The following LRRTM4 variants were observed in gnomAD, a reference collection of about 807,000 sequenced individuals.
The protein encoded by LRRTM4 is leucine-rich repeat transmembrane neuronal protein 4.
A neutral mutation model predicts 47.6 loss-of-function variants in LRRTM4; 25 were observed. The observed-to-expected ratio is 0.53, with a 90% CI of 0.38 to 0.73. LRRTM4 has a LOEUF of 0.73. Among genes scored for constraint, LRRTM4 ranks in the 30% least tolerant of loss-of-function variants. The probability of loss-of-function intolerance (pLI) is 0.00; values close to 1 mark genes in which losing one functional copy is unlikely to be tolerated. For missense variants in LRRTM4, 638 were observed against 713.4 expected, an observed-to-expected ratio of 0.89 and a Z score of 1.20; for synonymous variants, 311 against 269.5, an observed-to-expected ratio of 1.15 and a Z score of -1.51.
chr2:76,773,724 A>G (rs539122680), intron 3 of LRRTM4, among the ~76,000 whole-genome samples: 3 of 151,884 alleles, frequency 2.0e-5, no homozygotes, highest in Admixed American at 6.6e-5. Context: ...TTAATAAAAT[A>G]TATAAAATCA....
In LRRTM4 at chr2:76,964,573, A is replaced by G. The variant is rs548191952; in HGVS notation, c.1552-215657T>C. On this transcript the variant is annotated intron_variant, in intron 3 of 3. Coordinates refer to ENST00000409884, the MANE Select transcript of LRRTM4 (RefSeq NM_001134745.3). ...CTGTCATATATTCAAATTGTTTGAC[A>G]TATTGAAAACTGAAATAAAATTATG... 4.0e-5 allele frequency among the ~76,000 whole-genome samples: 6 copies of G among 151,076 alleles called. No homozygotes were observed. The South Asian group carries it at 1.2e-3, about 31-fold the overall frequency.
At chr2:77,054,485 A>G (rs1287794238) in intron 3 of LRRTM4, among the ~76,000 whole-genome samples, 1 of 152,224 alleles carries the variant, frequency 6.6e-6, no homozygotes, top group African/African-American at 2.4e-5. Context: ...ATTTTGTGAG[A>G]GACTTTATCA....
intron 3 of LRRTM4, among the ~76,000 whole-genome samples, chr2:76,817,940 T>G (rs567146903): frequency 6.6e-6 from 1 of 151,922 alleles, no homozygotes; most frequent in Non-Finnish European, 1.5e-5. Context: ...ATAATTCATA[T>G]AAGATAATCA....
rs76006974 is a variant in LRRTM4, at chr2:76,924,156, A to G, written c.1552-175240T>C. On this transcript the variant is annotated intron_variant, in intron 3 of 3. Coordinates refer to ENST00000409884, the MANE Select transcript of LRRTM4 (RefSeq NM_001134745.3). ...TATTTATGTCTTTCTGAAAAGTTAT[A>G]TTATAAAAACTCATCTCCTTTCAGA... Among the ~76,000 whole-genome samples the G allele has an allele frequency of 5.1e-3, 782 of 152,230 alleles. 4 individuals are homozygous for G. The highest frequency in any genetic ancestry group is 0.018 in the African/African-American group (748 of 41,552).
intron 3 of LRRTM4, among the ~76,000 whole-genome samples, chr2:77,246,101 T>C (rs1176952460): frequency 6.6e-6 from 1 of 152,216 alleles, no homozygotes; most frequent in African/African-American, 2.4e-5. Context: ...CAAAGCTTCC[T>C]TTACTTTGAA....
intron 3 of LRRTM4, among the ~76,000 whole-genome samples, chr2:77,390,374 C>T (rs1382693500): frequency 6.6e-6 from 1 of 151,984 alleles, no homozygotes; most frequent in Non-Finnish European, 1.5e-5. Flanking sequence ...TATCATTTCT[C>T]AAAATTGAGG....
chr2:76,998,203 T>C (rs1447952521), intron 3 of LRRTM4, among the ~76,000 whole-genome samples: 1 of 152,014 alleles, frequency 6.6e-6, no homozygotes, highest in Non-Finnish European at 1.5e-5. Flanking sequence ...CCAGAAATGG[T>C]TGGGGACTGC....
At chr2:76,917,706 G>A (rs193271530) in intron 3 of LRRTM4, among the ~76,000 whole-genome samples, 104 of 152,224 alleles carry the variant, frequency 6.8e-4, no homozygotes, top group African/African-American at 2.4e-3. Flanking sequence ...GGAAAAAGAA[G>A]AAATGAGAAG....
chr2:77,288,925 A>G (rs1676740081), intron 3 of LRRTM4, among the ~76,000 whole-genome samples: 1 of 146,992 alleles, frequency 6.8e-6, no homozygotes, highest in East Asian at 2.0e-4. Context: ...TATCTGAAAC[A>G]CTGGGAAAAA....
At chr2:77,126,716 G>T (rs1671661004) in intron 3 of LRRTM4, among the ~76,000 whole-genome samples, 1 of 152,100 alleles carries the variant, frequency 6.6e-6, no homozygotes, top group African/African-American at 2.4e-5. Context: ...GGTATTAATG[G>T]AGTCCTAGGG....
chr2:76,872,401 T>C (rs1228227472), intron 3 of LRRTM4, among the ~76,000 whole-genome samples: 2 of 152,036 alleles, frequency 1.3e-5, no homozygotes, highest in Non-Finnish European at 2.9e-5. Flanking sequence ...CTTTGAGTGC[T>C]ACTCCCTACT....
intron 3 of LRRTM4, among the ~76,000 whole-genome samples, chr2:76,836,010 G>A (rs1237197937): frequency 6.6e-6 from 1 of 151,656 alleles, no homozygotes; most frequent in Non-Finnish European, 1.5e-5. Flanking sequence ...TTTTCCCTTG[G>A]TACTAAGTAG....
chr2:77,066,126 A>G (rs186339225), intron 3 of LRRTM4, among the ~76,000 whole-genome samples: 1 of 152,190 alleles, frequency 6.6e-6, no homozygotes, highest in Non-Finnish European at 1.5e-5. Context: ...TCACTCTAGT[A>G]TGAAGCAGAA....
chr2:76,843,301 T>C (rs1671742133), intron 3 of LRRTM4, among the ~76,000 whole-genome samples: 1 of 152,178 alleles, frequency 6.6e-6, no homozygotes, highest in African/African-American at 2.4e-5. Flanking sequence ...ACTGAGGGCT[T>C]ATATTAAATG....
chr2:77,418,177 AT>A (rs746932689), intron 3 of LRRTM4, among the ~76,000 whole-genome samples: 1 of 151,840 alleles, frequency 6.6e-6, no homozygotes, highest in East Asian at 1.9e-4. Flanking sequence ...AATTTTTGAT[AT>A]TTTTTTTGAG....
intron 3 of LRRTM4, among the ~76,000 whole-genome samples, chr2:77,351,599 G>A (rs1476960782): frequency 7.2e-6 from 1 of 139,202 alleles, no homozygotes; most frequent in East Asian, 2.0e-4. Context: ...ATGCTTTTGT[G>A]AAACCATGAC....
At chr2:77,453,134 A>T (rs1235211537) in intron 3 of LRRTM4, among the ~76,000 whole-genome samples, 1 of 151,480 alleles carries the variant, frequency 6.6e-6, no homozygotes, top group Admixed American at 6.6e-5. Flanking sequence ...TAGGTAAATT[A>T]ATATATTCCA....
chr2:77,230,263 C>A (rs927215745), intron 3 of LRRTM4, among the ~76,000 whole-genome samples: 1 of 152,196 alleles, frequency 6.6e-6, no homozygotes, highest in Non-Finnish European at 1.5e-5. Context: ...GTAAATTGTT[C>A]ACCAAATATA....
intron 3 of LRRTM4, among the ~76,000 whole-genome samples, chr2:77,249,446 T>G (rs4423624): frequency 0.55 from 83,074 of 151,728 alleles, 23,097 homozygotes; most frequent in African/African-American, 0.6. Flanking sequence ...TAGGAAAATA[T>G]TTGCAAAAGA....
Sources: gnomAD v4.1 joint callset for allele counts (sites outside exome capture counted in the v4.1 genomes callset) on GRCh38, gnomAD v4.1.1 for gene constraint, MANE v1.5 for transcripts, NCBI Gene and HGNC (gene_info 2026-07-23, HGNC 2026-07-21) for gene names.